Variants in PHF20 observed in about 807,000 individuals in gnomAD.
PHF20 encodes the protein glioma-expressed antigen 2.
A neutral mutation model predicts 113.5 loss-of-function variants in PHF20; 23 were observed. The ratio of observed to expected loss-of-function variants is 0.20; its 90% CI spans 0.15 to 0.29. The LOEUF (loss-of-function observed/expected upper bound fraction) is 0.29, where lower values mean the gene tolerates loss of function less well. Among genes scored for constraint, PHF20 ranks in the 10% least tolerant of loss-of-function variants. PHF20 has a pLI of 1.00. For missense variants in PHF20, 943 were observed against 1,219.6 expected (o/e 0.77, Z 3.38); for synonymous variants, 434 against 457.3 (o/e 0.95, Z 0.65).
intron 9 of PHF20, among the ~76,000 whole-genome samples, chr20:35,889,156 T>C (rs548988361): frequency 1.3e-5 from 2 of 151,232 alleles, no homozygotes; most frequent in African/African-American, 2.4e-5. Flanking sequence ...GCTGGGATTA[T>C]AGGTGCACAC....
Position 35,842,665 on chromosome 20 carries a change from G to T in PHF20, c.176G>T (p.Cys59Phe). The T allele has an allele frequency of 1.2e-6, 2 of 1,614,038 alleles. No individual in the cohort carries two copies. Among genetic ancestry groups the T allele is most frequent in the South Asian group, 2.2e-5 (2 of 91,072 alleles). ...RWNHRYDEWF[C>F]WDSPYLRPLE... ...AACCATCGTTATGATGAGTGGTTCT[G>T]CTGGGACAGTCCTTATTTACGCCCT... The change falls in exon 3 of 18, where the codon TGC becomes TTC. Residue 59 changes from cysteine (C) to phenylalanine (F), a missense_variant. Cys to Phe is a radical substitution (Grantham distance 205, BLOSUM62 -2). Transcript: ENST00000374012.
At chr20:35,826,717 A>G (rs1347806076) in intron 2 of PHF20, among the ~76,000 whole-genome samples, 1 of 152,206 alleles carries the variant, frequency 6.6e-6, no homozygotes, top group Non-Finnish European at 1.5e-5. Context: ...TTAGTAACAG[A>G]AAATTGGCAG....
chr20:35,810,566 T>TA (rs759182954), intron 2 of PHF20, among the ~76,000 whole-genome samples: 7 of 152,294 alleles, frequency 4.6e-5, no homozygotes, highest in Non-Finnish European at 8.8e-5. Context: ...AGCCTCATTT[T>TA]AGCAGTAAGA....
At chr20:35,801,451 C>A in intron 1 of PHF20, 40 bp from the exon 2 acceptor site, 1 of 1,066,404 alleles carries the variant, frequency 9.4e-7, no homozygotes, top group Non-Finnish European at 1.4e-6. Flanking sequence ...TCTGGGTGGA[C>A]TTTGCCTAAG....
In PHF20 at chr20:35,940,992, A is replaced by G. The variant is rs1391689873; in HGVS notation, c.2841A>G (p.Glu947=). 5 of 1,614,154 alleles carry G rather than the reference A, an allele frequency of 3.1e-6. No individual in the cohort carries two copies. The highest frequency in any genetic ancestry group is 1.1e-5 in the South Asian group (1 of 91,080). Residue 947 remains glutamate (E), a synonymous_variant, in exon 17 of 18, where the codon GAA becomes GAG. Coordinates refer to ENST00000374012, the MANE Select transcript of PHF20 (RefSeq NM_016436.5). ...QWQFNLLTHV[E]SLQDEVTHRM... The stretch of plus-strand genomic sequence containing the variant: ...AGTTTAACCTGCTGACCCATGTGGA[A>G]TCTCTTCAGGATGAAGTTACGCACA...
chr20:35,941,351 C>T (rs2055976612), intron 17 of PHF20, among the ~76,000 whole-genome samples: 1 of 152,218 alleles, frequency 6.6e-6, no homozygotes, highest in African/African-American at 2.4e-5. Flanking sequence ...TGATCTAAGC[C>T]AATCTTTACA....
At chr20:35,784,609 ATGT>A (rs1454839057) in intron 1 of PHF20, among the ~76,000 whole-genome samples, 52 of 150,476 alleles carry the variant, frequency 3.5e-4, no homozygotes, top group Admixed American at 3.4e-3. Context: ...GCTAATTTTT[ATGT>A]TGTTAACAGA....
chr20:35,871,771 G>T lies in PHF20; in HGVS notation c.1224G>T (p.Thr408=), dbSNP rs984470006. 1.2e-6 allele frequency: 2 copies of T among 1,613,238 alleles called. No individual in the cohort carries two copies. The highest frequency in any genetic ancestry group is 2.7e-5 in the African/African-American group (2 of 74,848). ...ELNCPSMGEN[T]MKTEPTSPLV... Reference sequence around the variant, plus strand: ...ACTGCCCATCAATGGGAGAAAACACGATGAAAACAGAACCGACTTCTCCCC... The same window carrying T: ...ACTGCCCATCAATGGGAGAAAACACTATGAAAACAGAACCGACTTCTCCCC... Residue 408 remains threonine (T), a synonymous_variant, in exon 9 of 18, where the codon ACG becomes ACT. Coordinates refer to ENST00000374012, the MANE Select transcript of PHF20 (RefSeq NM_016436.5).
intron 2 of PHF20, among the ~76,000 whole-genome samples, chr20:35,816,251 G>A (rs2042072349): frequency 6.6e-6 from 1 of 151,936 alleles, no homozygotes; most frequent in Admixed American, 6.6e-5. Context: ...CACTGCACCC[G>A]GCCCGAAAAT....
At chr20:35,786,356 A>G (rs1382342245) in intron 1 of PHF20, among the ~76,000 whole-genome samples, 2 of 152,056 alleles carry the variant, frequency 1.3e-5, no homozygotes, top group African/African-American at 2.4e-5. Context: ...GCGCCACTGC[A>G]TTCCAGCCTG....
chr20:35,949,593 A>C lies in PHF20; in HGVS notation c.*1966A>C, dbSNP rs2056142608. On this transcript the variant is annotated 3_prime_UTR_variant, in exon 18 of 18. Transcript: ENST00000374012. ...TTCATTCATTGTGACTTTTGTTCTT[A>C]GGGAAGCAGAGAAGACTCCCCAAGT... 6.6e-6 allele frequency: 1 copy of C among 152,618 alleles called. No homozygotes were observed. The highest frequency in any genetic ancestry group is 6.6e-5 in the Admixed American group (1 of 15,264). The allele number at this position is 152,618 out of a possible 1,614,324, so 9.5% of individuals were successfully genotyped here.
chr20:35,785,050 TA>T (rs879858412), intron 1 of PHF20, among the ~76,000 whole-genome samples: 405 of 141,744 alleles, frequency 2.9e-3, no homozygotes, highest in Middle Eastern at 3.6e-3. Context: ...GACCCTGTCT[TA>T]AAAAAAAAAA....
At position 35,834,315 on chromosome 20, in the gene PHF20, C is replaced by T. The variant is rs544914927; in HGVS notation, c.84-8258C>T. ...TTTCCCAGTCTGGAGTGCAGTGGTG[C>T]GATCTCGGCTCACCACAACCTCCAC... On this transcript the variant is annotated intron_variant, in intron 2 of 17. Transcript: ENST00000374012. 1.8e-4 allele frequency among the ~76,000 whole-genome samples: 25 copies of T among 138,702 alleles called. 1 individual carries two copies. Among genetic ancestry groups the T allele is most frequent in the Admixed American group, 7.1e-4 (9 of 12,728 alleles). The allele number at this position is 138,702 out of a possible 152,430, so 91.0% of individuals were successfully genotyped here.
chr20:35,881,662 T>C lies in PHF20; in HGVS notation c.1282+9833T>C, dbSNP rs559810539. The stretch of plus-strand genomic sequence containing the variant: ...ACCTTCTTCAGACTTTATCAGTTTT[T>C]GCCTTTCACCCCATTTATGGCAGTC... On this transcript the variant is annotated intron_variant, in intron 9 of 17. Transcript: ENST00000374012. Among the ~76,000 whole-genome samples, 8 of 152,356 alleles carry C rather than the reference T, an allele frequency of 5.3e-5. 1 individual carries two copies. The South Asian group carries it at 1.7e-3, about 32-fold the overall frequency.
intron 1 of PHF20, among the ~76,000 whole-genome samples, chr20:35,786,914 T>C (rs1485360300): frequency 6.6e-6 from 1 of 152,098 alleles, no homozygotes; most frequent in Non-Finnish European, 1.5e-5. Flanking sequence ...GATAACACTC[T>C]TCAAAGAACC....
chr20:35,814,171 A>G (rs911217981), intron 2 of PHF20, among the ~76,000 whole-genome samples: 2 of 152,096 alleles, frequency 1.3e-5, no homozygotes, highest in Admixed American at 6.6e-5. Context: ...AGATGGGGGT[A>G]AGAAATCTAT....
At chr20:35,842,421 A>G in intron 2 of PHF20, 152 bp from the exon 3 acceptor site, 2 of 615,056 alleles carry the variant, frequency 3.3e-6, no homozygotes. Flanking sequence ...TACCCTCCAT[A>G]ATTTGTGATT....
chr20:35,851,547 T>C (rs980345049), intron 4 of PHF20, among the ~76,000 whole-genome samples: 34 of 152,102 alleles, frequency 2.2e-4, no homozygotes, highest in African/African-American at 6.5e-4. Flanking sequence ...TTTTCTTCTA[T>C]TGGGGGAAGA....
At chr20:35,916,668 C>G (rs552051447) in intron 12 of PHF20, among the ~76,000 whole-genome samples, 1 of 152,252 alleles carries the variant, frequency 6.6e-6, no homozygotes, top group South Asian at 2.1e-4. Flanking sequence ...AGGGTTTCAC[C>G]ACGTTGGCCA....
Sources: gnomAD v4.1 joint callset for allele counts (sites outside exome capture counted in the v4.1 genomes callset) on GRCh38, gnomAD v4.1.1 for gene constraint, MANE v1.5 for transcripts, NCBI Gene and HGNC (gene_info 2026-07-23, HGNC 2026-07-21) for gene names.